The following PLD1 variants were observed in gnomAD, a reference collection of about 807,000 sequenced individuals.
PLD1 encodes phospholipase D1.
A neutral mutation model predicts 137.1 loss-of-function variants in PLD1; 112 were observed. That is an observed-to-expected ratio of 0.82 (90% CI 0.70 to 0.96). PLD1 has a LOEUF of 0.96. Ranked by LOEUF, PLD1 falls within the 40% of genes least tolerant of loss-of-function variation. The pLI is 0.00. For synonymous variants in PLD1, 431 were observed against 454.7 expected, an observed-to-expected ratio of 0.95 and a Z score of 0.66; for missense variants, 1,321 against 1,342.0, an observed-to-expected ratio of 0.98 and a Z score of 0.24.
Position 171,639,193 on chromosome 3 carries a change from TTA to T in PLD1, c.2593+3645_2593+3646del, listed in dbSNP as rs199798671. Among the ~76,000 whole-genome samples, 388 of 145,378 alleles carry T rather than the reference TTA, an allele frequency of 2.7e-3. 3 individuals carry two copies. The highest frequency in any genetic ancestry group is 0.022 in the East Asian group (110 of 5,030). The stretch of plus-strand genomic sequence containing the variant: ...AATATATAATATATAATATACAATT[TTA>T]TATATTATTTATATATAGCACATAA... On this transcript the variant is annotated intron_variant, in intron 23 of 26. Transcript: ENST00000351298.
At position 171,735,581 on chromosome 3, in the gene PLD1, T is replaced by A. The variant is rs1719296948; in HGVS notation, c.345A>T (p.Gln115His). The A allele has an allele frequency of 1.3e-6, 2 of 1,587,252 alleles. No individual in the cohort carries two copies. The highest frequency in any genetic ancestry group is 1.7e-6 in the Non-Finnish European group (2 of 1,155,640). The change falls in exon 4 of 27, where the codon CAA (glutamine) becomes CAT (histidine). Residue 115 changes from glutamine (Q) to histidine (H), a missense_variant. Gln to His is a conservative substitution (Grantham distance 24). Transcript: ENST00000351298. ...IELTHGEFKW[Q>H]VKRKFKHFQE... ...GAAAATGCTTGAATTTCCTCTTAAC[T>A]TGCCATTTAAATTCCCCATGTGTTA...
At position 171,677,637 on chromosome 3, in the gene PLD1, C is replaced by A; in HGVS notation, c.1925G>T (p.Arg642Ile). Reference protein sequence around the residue: ...TGVGELHGETRFWHGKDYCNF... With the variant: ...TGVGELHGETIFWHGKDYCNF... ...GCAGTAGTCCTTTCCATGCCAGAATCTGGTTTCCCCATGCAGCTCTCCCAC... is the reference window on the plus strand; with the variant it reads ...GCAGTAGTCCTTTCCATGCCAGAATATGGTTTCCCCATGCAGCTCTCCCAC... Residue 642 changes from arginine to isoleucine, a missense_variant, in exon 17 of 27, where the codon AGA becomes ATA. Physicochemically the swap from Arg to Ile is moderately conservative, Grantham distance 97. Coordinates refer to ENST00000351298, the MANE Select transcript of PLD1 (RefSeq NM_002662.5). 1 of 1,614,048 alleles carries A rather than the reference C, an allele frequency of 6.2e-7. No individual in the cohort carries two copies. Among genetic ancestry groups the A allele is most frequent in the Non-Finnish European group, 8.5e-7 (1 of 1,179,886 alleles).
At chr3:171,754,490 T>A (rs570807621) in intron 1 of PLD1, among the ~76,000 whole-genome samples, 1 of 152,304 alleles carries the variant, frequency 6.6e-6, no homozygotes, top group East Asian at 1.9e-4. Flanking sequence ...AACTTCATGT[T>A]CCCTGCTTTT....
In PLD1 at chr3:171,660,600, T is replaced by G. The variant is rs570786882; in HGVS notation, c.2341-1299A>C. 8.0e-5 allele frequency among the ~76,000 whole-genome samples: 12 copies of G among 150,802 alleles called. No homozygotes were observed. The East Asian group carries it at 1.9e-3, about 24-fold the overall frequency. On this transcript the variant is annotated intron_variant, in intron 20 of 26. Coordinates refer to ENST00000351298, the MANE Select transcript of PLD1 (RefSeq NM_002662.5). The stretch of plus-strand genomic sequence containing the variant: ...TTAAAAAGAAAAGCTGATTATTTTA[T>G]TTTTTATTTTTTTTATTTTTTTGAG...
At chr3:171,806,577 C>T (rs1358964153) in intron 1 of PLD1, among the ~76,000 whole-genome samples, 1 of 152,252 alleles carries the variant, frequency 6.6e-6, no homozygotes, top group Non-Finnish European at 1.5e-5. Context: ...TGCAGAGCTA[C>T]AGCTTTTCTT....
chr3:171,629,306 G>A (rs1293724296), intron 23 of PLD1, among the ~76,000 whole-genome samples: 1 of 151,648 alleles, frequency 6.6e-6, no homozygotes, highest in Non-Finnish European at 1.5e-5. Context: ...AACTTACAAG[G>A]GACGTGAAGG....
chr3:171,704,810 C>T (rs1716544389), intron 11 of PLD1, among the ~76,000 whole-genome samples: 1 of 152,156 alleles, frequency 6.6e-6, no homozygotes, highest in Non-Finnish European at 1.5e-5. Context: ...AAACCGGATT[C>T]ATGGAAGACA....
At chr3:171,762,227 G>A (rs1397190658) in intron 1 of PLD1, among the ~76,000 whole-genome samples, 2 of 152,204 alleles carry the variant, frequency 1.3e-5, no homozygotes, top group Non-Finnish European at 2.9e-5. Context: ...CCCAGATGAT[G>A]CTACTTTTGG....
intron 23 of PLD1, among the ~76,000 whole-genome samples, chr3:171,634,758 A>C (rs1734959290): frequency 6.6e-6 from 1 of 152,172 alleles, no homozygotes; most frequent in Admixed American, 6.5e-5. Context: ...AAATCATTTA[A>C]AAATTCTTAC....
chr3:171,665,355 C>G (rs1302483726), intron 19 of PLD1, among the ~76,000 whole-genome samples: 1 of 152,146 alleles, frequency 6.6e-6, no homozygotes, highest in Non-Finnish European at 1.5e-5. Context: ...AAATGTTTCT[C>G]TATCTGTAGG....
At chr3:171,756,889 T>C (rs1161886959) in intron 1 of PLD1, among the ~76,000 whole-genome samples, 1 of 152,228 alleles carries the variant, frequency 6.6e-6, no homozygotes, top group African/African-American at 2.4e-5. Flanking sequence ...ATTGTTCACT[T>C]TCAGTGGGTG....
chr3:171,651,117 A>C (rs1560181258), intron 21 of PLD1, among the ~76,000 whole-genome samples: 1 of 152,162 alleles, frequency 6.6e-6, no homozygotes, highest in Non-Finnish European at 1.5e-5. Context: ...ATCTGCTCAC[A>C]ACTGGGTCTC....
chr3:171,667,327 T>C (rs570848191), intron 19 of PLD1, among the ~76,000 whole-genome samples: 1 of 152,300 alleles, frequency 6.6e-6, no homozygotes, highest in East Asian at 1.9e-4. Context: ...CAAGAACCTG[T>C]CTCATCTTAT....
Position 171,737,899 on chromosome 3 carries a change from T to A in PLD1, c.153A>T (p.Ile51=). The change falls in exon 2 of 27, where the codon ATA becomes ATT. Residue 51 remains isoleucine (I), a synonymous_variant. Transcript: ENST00000351298. ...CAGATCATCCGTCTTTACCTTCTTG[T>A]ATCTTGGGATCGCTGGGAGACACGT... is the stretch of plus-strand genomic sequence containing the variant. ...DYDVSPSDPK[I]QEVYIPFSAI... 6.2e-7 allele frequency: 1 copy of A among 1,613,656 alleles called. No homozygotes were observed. Among genetic ancestry groups the A allele is most frequent in the Non-Finnish European group, 8.5e-7 (1 of 1,179,828 alleles).
intron 16 of PLD1, among the ~76,000 whole-genome samples, chr3:171,679,452 A>G (rs1157217188): frequency 6.6e-6 from 1 of 152,236 alleles, no homozygotes; most frequent in Non-Finnish European, 1.5e-5. Context: ...TTTATTGTTT[A>G]CATAGCACTT....
intron 1 of PLD1, among the ~76,000 whole-genome samples, chr3:171,757,306 G>GT (rs766528857): frequency 5.3e-5 from 8 of 152,148 alleles, no homozygotes; most frequent in Non-Finnish European, 1.0e-4. Flanking sequence ...GAAAACTATT[G>GT]TAAGTTCAGA....
At chr3:171,719,468 T>C (rs1717930189) in intron 8 of PLD1, among the ~76,000 whole-genome samples, 1 of 152,228 alleles carries the variant, frequency 6.6e-6, no homozygotes, top group South Asian at 2.1e-4. Context: ...GGCCACCATC[T>C]CGCCTAAATA....
chr3:171,685,339 G>A (rs1254537759), intron 16 of PLD1, among the ~76,000 whole-genome samples: 3 of 152,164 alleles, frequency 2.0e-5, no homozygotes, highest in Non-Finnish European at 1.5e-5. Flanking sequence ...TCAGGCATGT[G>A]AGCTAGACTG....
At chr3:171,710,681 T>G (rs1265154285) in intron 9 of PLD1, among the ~76,000 whole-genome samples, 1 of 152,042 alleles carries the variant, frequency 6.6e-6, no homozygotes, top group Admixed American at 6.5e-5. Flanking sequence ...AGAGGGCACT[T>G]CCCCTTGTGC....
Sources: gnomAD v4.1 joint callset for allele counts (sites outside exome capture counted in the v4.1 genomes callset) on GRCh38, gnomAD v4.1.1 for gene constraint, MANE v1.5 for transcripts, NCBI Gene and HGNC (gene_info 2026-07-23, HGNC 2026-07-21) for gene names.